MECOM: variants seen among roughly 807,000 people sequenced by gnomAD.
MECOM encodes MDS1 and EVI1 complex locus.
MECOM carries 13 observed loss-of-function variants against 116.3 expected under a neutral mutation model. The ratio of observed to expected loss-of-function variants is 0.11; its 90% CI spans 0.07 to 0.18. The LOEUF (loss-of-function observed/expected upper bound fraction) is 0.18. Among genes scored for constraint, MECOM ranks in the 10% least tolerant of loss-of-function variants. MECOM has a pLI of 1.00. For missense variants in MECOM, 1,299 were observed against 1,509.0 expected (o/e 0.86, Z 2.31); for synonymous variants, 528 against 535.2 (o/e 0.99, Z 0.19).
chr3:169,601,416 G>C (rs1767816725), intron 1 of MECOM, among the ~76,000 whole-genome samples: 1 of 152,214 alleles, frequency 6.6e-6, no homozygotes, highest in Admixed American at 6.5e-5. Flanking sequence ...AGATGTCAAA[G>C]CCAGGCATGC....
At chr3:169,427,356 C>T (rs146054469) in intron 1 of MECOM, among the ~76,000 whole-genome samples, 3 of 152,122 alleles carry the variant, frequency 2.0e-5, no homozygotes, top group African/African-American at 7.2e-5. Flanking sequence ...TTAGGTGAGT[C>T]TAGGTAGCTA....
At chr3:169,570,428 C>T (rs1284011057) in intron 1 of MECOM, among the ~76,000 whole-genome samples, 2 of 152,166 alleles carry the variant, frequency 1.3e-5, no homozygotes, top group Non-Finnish European at 2.9e-5. Context: ...GAGCTCATAC[C>T]ATTCCTTCTG....
chr3:169,353,767 T>C (rs868246085), intron 2 of MECOM, among the ~76,000 whole-genome samples: 7 of 152,016 alleles, frequency 4.6e-5, no homozygotes, highest in Middle Eastern at 6.8e-3. Context: ...ACTGTCTTTA[T>C]ACAAAGCTTC....
chr3:169,145,275 A>G, intron 2 of MECOM: 1 of 421,784 alleles, frequency 2.4e-6, no homozygotes. Context: ...CTTTCTATTA[A>G]GAGGACAAAT....
intron 2 of MECOM, among the ~76,000 whole-genome samples, chr3:169,303,024 G>A (rs375386240): frequency 6.6e-6 from 1 of 152,208 alleles, no homozygotes; most frequent in South Asian, 2.1e-4. Context: ...GAAGAGAGAT[G>A]ACATATACTC....
intron 2 of MECOM, among the ~76,000 whole-genome samples, chr3:169,357,912 G>A (rs1037188461): frequency 6.6e-6 from 1 of 151,386 alleles, no homozygotes; most frequent in Non-Finnish European, 1.5e-5. Flanking sequence ...TTGCAAACAC[G>A]GTAGACACAC....
chr3:169,395,788 C>A (rs1343941427), intron 1 of MECOM, among the ~76,000 whole-genome samples: 6 of 152,212 alleles, frequency 3.9e-5, no homozygotes, highest in Admixed American at 3.9e-4. Context: ...TGCAGCAGCA[C>A]CTGCCATGAA....
intron 2 of MECOM, chr3:169,146,992 T>C (rs980668947): frequency 1.0e-6 from 1 of 995,292 alleles, no homozygotes. Flanking sequence ...CCGCCAACAG[T>C]GTATTTTTAA....
At chr3:169,251,982 T>C (rs1405478282) in intron 2 of MECOM, among the ~76,000 whole-genome samples, 1 of 152,216 alleles carries the variant, frequency 6.6e-6, no homozygotes, top group Non-Finnish European at 1.5e-5. Context: ...TTTTTAGATG[T>C]ACATTTATTT....
chr3:169,084,987 G>A lies in MECOM; in HGVS notation c.3642C>T (p.His1214=). 6.2e-7 allele frequency: 1 copy of A among 1,614,160 alleles called. No homozygotes were observed. Among genetic ancestry groups the A allele is most frequent in the Non-Finnish European group, 8.5e-7 (1 of 1,180,004 alleles). The change falls in exon 17 of 17, where the codon CAC becomes CAT. Residue 1214 remains histidine, a synonymous_variant. Coordinates refer to ENST00000651503, the MANE Select transcript of MECOM (RefSeq NM_004991.4). ...TACTGTGCCACACGTTGGAAGAACT[G>A]TGGGATGTAGAATGGAGGGACTCCT... ...SDKESLHSTS[H]SSSNVWHSMA... is the part of the protein sequence containing the mutation.
At chr3:169,638,888 G>A (rs1303103572) in intron 1 of MECOM, among the ~76,000 whole-genome samples, 3 of 152,294 alleles carry the variant, frequency 2.0e-5, no homozygotes, top group Non-Finnish European at 4.4e-5. Flanking sequence ...CTTGACCTAG[G>A]AGGGGTCACA....
intron 2 of MECOM, among the ~76,000 whole-genome samples, chr3:169,290,155 C>CA (rs978690103): frequency 2.3e-4 from 35 of 150,254 alleles, no homozygotes; most frequent in African/African-American, 4.1e-4. Context: ...AATCATTTCC[C>CA]AAAAAAAAAT....
In MECOM at chr3:169,084,428, G is replaced by T. The variant is rs1717029509; in HGVS notation, c.*481C>A. 4.3e-6 allele frequency: 1 copy of T among 232,862 alleles called. No homozygotes were observed. Among genetic ancestry groups the T allele is most frequent in the African/African-American group, 2.2e-5 (1 of 45,310 alleles). 14.4% of individuals were successfully genotyped at this position (232,862 alleles called of 1,614,324 possible). A position where few individuals can be genotyped will look rare whatever the true frequency, so the allele number is the denominator to read the frequency against. ...TCATCCAACTACTTCTGTCTTCAAA[G>T]GGTTAAATTACATAAAACTTTAACG... is the stretch of plus-strand genomic sequence containing the variant. On this transcript the variant is annotated 3_prime_UTR_variant, in exon 17 of 17. Transcript: ENST00000651503.
At chr3:169,548,051 C>T (rs1760942084) in intron 1 of MECOM, among the ~76,000 whole-genome samples, 1 of 152,088 alleles carries the variant, frequency 6.6e-6, no homozygotes, top group African/African-American at 2.4e-5. Flanking sequence ...GCTTTCCAAC[C>T]CAATTTCATT....
chr3:169,635,962 T>G lies in MECOM; in HGVS notation c.37+27374A>C, dbSNP rs546361624. Reference sequence around the variant, plus strand: ...TGCACAATTTTACATTTGTATCTACTGAGAGACACCTTGCAGATCACCAGG... The same window carrying G: ...TGCACAATTTTACATTTGTATCTACGGAGAGACACCTTGCAGATCACCAGG... On this transcript the variant is annotated intron_variant, in intron 1 of 16. Coordinates refer to ENST00000651503, the MANE Select transcript of MECOM (RefSeq NM_004991.4). Among the ~76,000 whole-genome samples, 67 of 152,344 alleles carry G rather than the reference T, an allele frequency of 4.4e-4. 2 individuals are homozygous for G. The South Asian group carries it at 0.011, about 26-fold the overall frequency.
chr3:169,179,500 T>A (rs932203172), intron 2 of MECOM, among the ~76,000 whole-genome samples: 4 of 152,128 alleles, frequency 2.6e-5, no homozygotes, highest in African/African-American at 9.7e-5. Context: ...TCAGATGAAA[T>A]GCAATGAAAA....
At chr3:169,186,734 G>A (rs533798225) in intron 2 of MECOM, among the ~76,000 whole-genome samples, 3 of 152,128 alleles carry the variant, frequency 2.0e-5, no homozygotes, top group African/African-American at 4.8e-5. Context: ...GCTAACTAAC[G>A]AACCTTGACT....
chr3:169,191,702 A>G (rs1747580595), intron 2 of MECOM, among the ~76,000 whole-genome samples: 1 of 40,208 alleles, frequency 2.5e-5, no homozygotes, highest in Non-Finnish European at 5.3e-5. Context: ...AGAGATAGAA[A>G]AGAAAGAAAG....
intron 2 of MECOM, among the ~76,000 whole-genome samples, chr3:169,200,666 T>C (rs1251111314): frequency 1.3e-5 from 2 of 152,086 alleles, no homozygotes; most frequent in Non-Finnish European, 2.9e-5. Context: ...TTTGGGCAAT[T>C]AGGTCTTAGA....
Sources: allele counts gnomAD v4.1 joint callset (sites outside exome capture counted in the v4.1 genomes callset), GRCh38; gene constraint gnomAD v4.1.1; transcripts MANE v1.5; gene names NCBI Gene and HGNC (gene_info 2026-07-23, HGNC 2026-07-21).